The following INPP4B variants were observed in gnomAD, a reference collection of about 807,000 sequenced individuals.
INPP4B encodes the protein inositol polyphosphate-4-phosphatase type II B.
INPP4B carries 55 observed loss-of-function variants against 122.5 expected under a neutral mutation model. The observed-to-expected ratio is 0.45, with a 90% confidence interval of 0.36 to 0.56. INPP4B has a LOEUF of 0.56. INPP4B is among the 20% of genes least tolerant of loss of function. INPP4B has a pLI of 0.00. For missense variants in INPP4B, 1,000 were observed against 1,097.7 expected, an observed-to-expected ratio of 0.91 and a Z score of 1.26; for synonymous variants, 403 against 388.7, an observed-to-expected ratio of 1.04 and a Z score of -0.43.
chr4:142,659,664 T>G (rs145522326), intron 2 of INPP4B, among the ~76,000 whole-genome samples: 3 of 152,058 alleles, frequency 2.0e-5, no homozygotes, highest in Non-Finnish European at 4.4e-5. Context: ...TGGGAATAAA[T>G]AGGATGCCCA....
rs189362714 is a variant in INPP4B at position 142,780,434 on chromosome 4, G to A, written c.-253-54533C>T. 5.9e-5 allele frequency among the ~76,000 whole-genome samples: 9 copies of A among 152,248 alleles called. No homozygotes were observed. In the South Asian group the frequency reaches 6.2e-4, roughly 11 times the overall value. On this transcript the variant is annotated intron_variant, in intron 1 of 25. Transcript: ENST00000262992. ...GAAATAGAACATAAAATCACAGCAC[G>A]TTTAACATGATACATGCTGAAAACA...
At chr4:142,764,702 C>T (rs1409960030) in intron 1 of INPP4B, among the ~76,000 whole-genome samples, 1 of 152,030 alleles carries the variant, frequency 6.6e-6, no homozygotes, top group Non-Finnish European at 1.5e-5. Context: ...TAGTTTCCAT[C>T]CTCTACCCCA....
intron 16 of INPP4B, among the ~76,000 whole-genome samples, chr4:142,168,841 C>T (rs1352773098): frequency 1.3e-5 from 2 of 151,688 alleles, no homozygotes; most frequent in Admixed American, 6.6e-5. Context: ...TGAATTCTAG[C>T]AATCTTGGCC....
At chr4:142,354,616 G>A (rs1782983489) in intron 7 of INPP4B, among the ~76,000 whole-genome samples, 1 of 151,978 alleles carries the variant, frequency 6.6e-6, no homozygotes, top group Admixed American at 6.6e-5. Flanking sequence ...GTAGAACAAA[G>A]AGAATCCTAA....
chr4:142,653,486 C>G (rs975817356), intron 2 of INPP4B, among the ~76,000 whole-genome samples: 1 of 151,960 alleles, frequency 6.6e-6, no homozygotes, highest in Non-Finnish European at 1.5e-5. Context: ...TGACAAACGG[C>G]TAATATCCAG....
At chr4:142,384,599 T>G (rs1222146761) in intron 7 of INPP4B, among the ~76,000 whole-genome samples, 4 of 152,172 alleles carry the variant, frequency 2.6e-5, no homozygotes, top group African/African-American at 9.6e-5. Context: ...GGAATCACCA[T>G]TGCATATGCA....
At chr4:142,230,798 C>T (rs575971797) in intron 12 of INPP4B, among the ~76,000 whole-genome samples, 9 of 152,142 alleles carry the variant, frequency 5.9e-5, no homozygotes, top group Non-Finnish European at 1.2e-4. Context: ...ACTCAATATA[C>T]ATTTTATATA....
At chr4:142,614,299 A>T (rs1743227731) in intron 2 of INPP4B, among the ~76,000 whole-genome samples, 1 of 152,178 alleles carries the variant, frequency 6.6e-6, no homozygotes, top group Non-Finnish European at 1.5e-5. Flanking sequence ...CTAGGGAAAG[A>T]ACACACTGTT....
chr4:142,768,529 T>G (rs1405223290), intron 1 of INPP4B, among the ~76,000 whole-genome samples: 1 of 152,124 alleles, frequency 6.6e-6, no homozygotes, highest in Non-Finnish European at 1.5e-5. Flanking sequence ...ATGACTGAAA[T>G]CAGAGTTAAG....
At chr4:142,344,909 C>CT (rs1396609412) in intron 7 of INPP4B, among the ~76,000 whole-genome samples, 18 of 152,070 alleles carry the variant, frequency 1.2e-4, no homozygotes, top group African/African-American at 4.3e-4. Flanking sequence ...TGAATTTCCA[C>CT]TTTTTAAAAC....
chr4:142,327,780 G>A (rs1308160865), intron 7 of INPP4B, among the ~76,000 whole-genome samples: 1 of 152,156 alleles, frequency 6.6e-6, no homozygotes, highest in South Asian at 2.1e-4. Context: ...TGAGAAAACT[G>A]AGGCTCAACC....
At chr4:142,322,348 T>C (rs1770405470) in intron 7 of INPP4B, among the ~76,000 whole-genome samples, 1 of 152,172 alleles carries the variant, frequency 6.6e-6, no homozygotes, top group Non-Finnish European at 1.5e-5. Context: ...CATTGAACAT[T>C]TCTTCTTCAA....
chr4:142,544,492 A>C (rs1048585712), intron 2 of INPP4B, among the ~76,000 whole-genome samples: 4 of 152,132 alleles, frequency 2.6e-5, no homozygotes, highest in African/African-American at 9.7e-5. Context: ...CCATCACATG[A>C]GACCTTCCAA....
intron 18 of INPP4B, among the ~76,000 whole-genome samples, chr4:142,138,725 T>C (rs968366281): frequency 2.0e-5 from 3 of 152,216 alleles, no homozygotes; most frequent in South Asian, 2.1e-4. Flanking sequence ...TACAGGCTTG[T>C]TGTGAAAAGG....
intron 23 of INPP4B, among the ~76,000 whole-genome samples, chr4:142,099,374 T>A (rs1374407551): frequency 1.3e-5 from 2 of 152,190 alleles, no homozygotes; most frequent in Non-Finnish European, 2.9e-5. Flanking sequence ...TGTTTCCAAA[T>A]ATACATATGT....
chr4:142,211,713 T>G (rs1844977271), intron 12 of INPP4B, among the ~76,000 whole-genome samples: 1 of 152,242 alleles, frequency 6.6e-6, no homozygotes, highest in South Asian at 2.1e-4. Context: ...CTTGCCATAC[T>G]CTATGTTTCA....
At chr4:142,505,790 C>T (rs1823946766) in intron 2 of INPP4B, among the ~76,000 whole-genome samples, 1 of 151,956 alleles carries the variant, frequency 6.6e-6, no homozygotes, top group African/African-American at 2.4e-5. Flanking sequence ...TTTTGGTATC[C>T]AAGAAAGTTA....
chr4:142,641,226 T>A (rs1191004892), intron 2 of INPP4B, among the ~76,000 whole-genome samples: 2 of 152,120 alleles, frequency 1.3e-5, no homozygotes, highest in Non-Finnish European at 2.9e-5. Flanking sequence ...GGTCTATTCA[T>A]ACAAGAAAAT....
intron 2 of INPP4B, among the ~76,000 whole-genome samples, chr4:142,531,228 C>G (rs1827571379): frequency 6.7e-6 from 1 of 148,550 alleles, no homozygotes; most frequent in Non-Finnish European, 1.5e-5. Context: ...ATAGTCATGA[C>G]TTAAAAGGGG....
Sources: gnomAD v4.1 joint callset for allele counts (sites outside exome capture counted in the v4.1 genomes callset) on GRCh38, gnomAD v4.1.1 for gene constraint, MANE v1.5 for transcripts, NCBI Gene and HGNC (gene_info 2026-07-23, HGNC 2026-07-21) for gene names.